Variants in ADAM9 observed in about 807,000 individuals in gnomAD.
ADAM9 encodes the protein ADAM metallopeptidase domain 9.
In ADAM9, 54 loss-of-function variants were observed where a neutral mutation model predicts 108.1. That is an observed-to-expected ratio of 0.50 (90% CI 0.40 to 0.63). ADAM9 has a LOEUF of 0.63. Ranked by LOEUF, ADAM9 falls within the 20% of genes least tolerant of loss-of-function variation. ADAM9 has a pLI of 0.00. For missense variants in ADAM9, 830 were observed against 997.7 expected (o/e 0.83, Z 2.26); for synonymous variants, 316 against 336.0 (o/e 0.94, Z 0.65).
rs1374787597 is a variant in ADAM9, at chr8:39,104,668, G to T, written c.*968G>T. On this transcript the variant is annotated 3_prime_UTR_variant, in exon 22 of 22. Coordinates refer to ENST00000487273, the MANE Select transcript of ADAM9 (RefSeq NM_003816.3). ...AGAATGTTTACATTTACTAAGGTGT[G>T]CTGGGTCATGTAAAATATTAGACAC... 1 of 453,704 alleles carries T rather than the reference G, an allele frequency of 2.2e-6. No individual in the cohort carries two copies. The highest frequency in any genetic ancestry group is 2.3e-5 in the Admixed American group (1 of 42,560). The allele number at this position is 453,704 out of a possible 1,614,324, so 28.1% of individuals were successfully genotyped here.
intron 1 of ADAM9, among the ~76,000 whole-genome samples, chr8:39,000,114 T>C (rs1835949426): frequency 1.3e-5 from 2 of 151,480 alleles, no homozygotes; most frequent in Non-Finnish European, 2.9e-5. Context: ...AACCTTCACC[T>C]CCCGAGTTCA....
chr8:39,055,567 A>G lies in ADAM9; in HGVS notation c.1396-10A>G, dbSNP rs770216751. 1.6e-5 allele frequency: 26 copies of G among 1,612,946 alleles called. No individual in the cohort carries two copies. The African/African-American group carries it at 1.7e-4, about 11-fold the overall frequency. On this transcript the variant is annotated splice_polypyrimidine_tract_variant and intron_variant, in intron 13 of 21. Transcript: ENST00000487273. ...GATATTTCTGTTTAATTTGAATTCT[A>G]TTTCACTAGTTCCTTCCAGGAGGTA...
intron 1 of ADAM9, among the ~76,000 whole-genome samples, chr8:39,002,703 A>G (rs921076356): frequency 5.3e-5 from 8 of 152,184 alleles, no homozygotes; most frequent in Non-Finnish European, 8.8e-5. Context: ...CCTCTAAAAC[A>G]CACTACAGTG....
At chr8:39,001,820 C>T (rs1836001662) in intron 1 of ADAM9, among the ~76,000 whole-genome samples, 1 of 151,692 alleles carries the variant, frequency 6.6e-6, no homozygotes, top group African/African-American at 2.4e-5. Context: ...GGCGCGTGCG[C>T]CACCACACCT....
At chr8:39,099,949 G>A (rs772652966) in intron 20 of ADAM9, among the ~76,000 whole-genome samples, 2 of 136,730 alleles carry the variant, frequency 1.5e-5, no homozygotes, top group Non-Finnish European at 3.0e-5. Context: ...GCATGATCTC[G>A]GCTCATTGCA....
intron 16 of ADAM9, among the ~76,000 whole-genome samples, chr8:39,080,786 A>G (rs563550132): frequency 2.0e-5 from 3 of 152,174 alleles, no homozygotes; most frequent in African/African-American, 7.2e-5. Context: ...TGTCCCAGGT[A>G]GTTCAATTTT....
chr8:39,035,461 A>G (rs760452010), intron 11 of ADAM9, among the ~76,000 whole-genome samples: 1 of 151,874 alleles, frequency 6.6e-6, no homozygotes, highest in Non-Finnish European at 1.5e-5. Context: ...TCTTTCTTGT[A>G]GTGTATTGTG....
intron 16 of ADAM9, 105 bp from the exon 17 acceptor site, chr8:39,082,536 A>G: frequency 1.2e-6 from 1 of 821,522 alleles, no homozygotes; most frequent in South Asian, 1.6e-5. Flanking sequence ...TGAAAGTTTG[A>G]AAGAATTCTG....
chr8:39,016,559 CTG>C (rs2129433093), intron 5 of ADAM9, among the ~76,000 whole-genome samples: 1 of 152,226 alleles, frequency 6.6e-6, no homozygotes, highest in South Asian at 2.1e-4. Flanking sequence ...CTCATTATCT[CTG>C]TATTTAGGTG....
In ADAM9 at chr8:39,097,886, G is replaced by GTA. The variant is rs150166931; in HGVS notation, c.2299-3975_2299-3974dup. Among the ~76,000 whole-genome samples the GTA allele has an allele frequency of 3.3e-3, 496 of 152,296 alleles. 4 individuals carry two copies. Among genetic ancestry groups the GTA allele is most frequent in the African/African-American group, 0.011 (459 of 41,560 alleles). ...ACTTTTGTGAAAATCAGAGGGATTC[G>GTA]TATGTGTGGAGCACTGAGAAGTGCT... On this transcript the variant is annotated intron_variant, in intron 20 of 21. Transcript: ENST00000487273.
At chr8:39,077,446 GA>G in intron 16 of ADAM9, 35 bp downstream of exon 16, 2 of 1,552,440 alleles carry the variant, frequency 1.3e-6, no homozygotes, top group Non-Finnish European at 1.7e-6. Context: ...AAAGTAAAAT[GA>G]AAAAAATTAA....
intron 2 of ADAM9, among the ~76,000 whole-genome samples, chr8:39,009,589 T>C (rs1036530406): frequency 1.8e-4 from 28 of 152,328 alleles, no homozygotes; most frequent in African/African-American, 6.7e-4. Context: ...TGTTTTCTCC[T>C]TTTTTGTGTC....
intron 14 of ADAM9, among the ~76,000 whole-genome samples, chr8:39,063,291 A>G (rs563950330): frequency 6.6e-6 from 1 of 152,252 alleles, no homozygotes; most frequent in African/African-American, 2.4e-5. Context: ...AACCAATGAG[A>G]TATTTTGGAG....
chr8:39,081,088 C>G (rs4733971), intron 16 of ADAM9, among the ~76,000 whole-genome samples: 62,080 of 151,428 alleles, frequency 0.41, 13,504 homozygotes, highest in East Asian at 0.72. Context: ...GCTGGAATTA[C>G]AGGCTTGCAC....
At chr8:39,089,682 A>G (rs768433500) in intron 18 of ADAM9, 7 of 261,282 alleles carry the variant, frequency 2.7e-5, no homozygotes, top group Admixed American at 4.9e-5. Context: ...ATATAGCTGT[A>G]TGGAAAACGA....
intron 19 of ADAM9, 119 bp from the exon 20 acceptor site, chr8:39,091,140 A>T (rs768380526): frequency 6.4e-6 from 6 of 942,416 alleles, no homozygotes; most frequent in African/African-American, 4.9e-5. Context: ...TATCATGATT[A>T]TCATCCCCAC....
At chr8:39,022,032 C>A (rs549535188) in intron 8 of ADAM9, among the ~76,000 whole-genome samples, 1 of 148,860 alleles carries the variant, frequency 6.7e-6, no homozygotes, top group Non-Finnish European at 1.5e-5. Context: ...AATAAGGCTG[C>A]CTTCTACCCT....
At chr8:39,069,572 T>C (rs1467038032) in intron 14 of ADAM9, among the ~76,000 whole-genome samples, 1 of 152,126 alleles carries the variant, frequency 6.6e-6, no homozygotes, top group Non-Finnish European at 1.5e-5. Flanking sequence ...TTAAAAAACC[T>C]TATGAGGAAG....
At chr8:39,052,488 A>G (rs554238790) in intron 12 of ADAM9, among the ~76,000 whole-genome samples, 2 of 152,180 alleles carry the variant, frequency 1.3e-5, no homozygotes, top group South Asian at 4.1e-4. Flanking sequence ...TTTTCCTGTA[A>G]TGGTTTCAGA....
Sources: gnomAD v4.1 joint callset for allele counts (sites outside exome capture counted in the v4.1 genomes callset) on GRCh38, gnomAD v4.1.1 for gene constraint, MANE v1.5 for transcripts, NCBI Gene and HGNC (gene_info 2026-07-23, HGNC 2026-07-21) for gene names.